KIAA0825: variants seen among roughly 807,000 people sequenced by gnomAD.
The protein encoded by KIAA0825 is uncharacterized protein KIAA0825.
In KIAA0825, 119 loss-of-function variants were observed where a neutral mutation model predicts 147.6. The ratio of observed to expected loss-of-function variants is 0.81; its 90% CI spans 0.69 to 0.94. KIAA0825 has a LOEUF of 0.94. Ranked by LOEUF, KIAA0825 falls within the 40% of genes least tolerant of loss-of-function variation. The pLI is 0.00. For missense variants in KIAA0825, 1,381 were observed against 1,472.7 expected (o/e 0.94, Z 1.02); for synonymous variants, 470 against 518.1 (o/e 0.91, Z 1.26).
chr5:94,191,840 C>G (rs1770704943), intron 20 of KIAA0825, among the ~76,000 whole-genome samples: 1 of 152,328 alleles, frequency 6.6e-6, no homozygotes, highest in Non-Finnish European at 1.5e-5. Context: ...CCTCCACCCC[C>G]ACTGGGGATC....
chr5:94,265,829 A>T (rs548133704), intron 20 of KIAA0825, among the ~76,000 whole-genome samples: 2 of 152,264 alleles, frequency 1.3e-5, no homozygotes, highest in South Asian at 4.1e-4. Flanking sequence ...AACAAACCTT[A>T]AAAAATAAAA....
chr5:94,570,682 C>A (rs562901837), intron 2 of KIAA0825: 13 of 152,294 alleles, frequency 8.5e-5, no homozygotes, highest in African/African-American at 2.9e-4. Context: ...AATGGACCTG[C>A]CCCTGTAGTA....
At chr5:94,513,132 ACTT>A (rs1766742494) in intron 5 of KIAA0825, among the ~76,000 whole-genome samples, 1 of 151,932 alleles carries the variant, frequency 6.6e-6, no homozygotes, top group Non-Finnish European at 1.5e-5. Flanking sequence ...TTTATTCTAA[ACTT>A]CTTTTCAGTG....
At chr5:94,342,620 C>G (rs1016995621) in intron 20 of KIAA0825, among the ~76,000 whole-genome samples, 1 of 152,004 alleles carries the variant, frequency 6.6e-6, no homozygotes, top group Non-Finnish European at 1.5e-5. Flanking sequence ...AGTTATAAAA[C>G]AAAAATTGTC....
intron 1 of KIAA0825, among the ~76,000 whole-genome samples, chr5:94,586,887 CA>C (rs1783408011): frequency 6.6e-6 from 1 of 152,174 alleles, no homozygotes; most frequent in African/African-American, 2.4e-5. Context: ...GCTGGTTCAA[CA>C]TATGCAAATC....
chr5:94,248,774 C>T (rs1775774672), intron 20 of KIAA0825, among the ~76,000 whole-genome samples: 1 of 152,104 alleles, frequency 6.6e-6, no homozygotes. Flanking sequence ...ATGAACAACC[C>T]TGAACTACGT....
intron 20 of KIAA0825, among the ~76,000 whole-genome samples, chr5:94,162,346 C>A (rs866555599): frequency 6.6e-6 from 1 of 152,114 alleles, no homozygotes; most frequent in African/African-American, 2.4e-5. Context: ...GTTGCCCAGG[C>A]TGGAGTGCAG....
chr5:94,186,184 CTTTTAG>C (rs1770102507), intron 20 of KIAA0825, among the ~76,000 whole-genome samples: 1 of 152,042 alleles, frequency 6.6e-6, no homozygotes, highest in African/African-American at 2.4e-5. Flanking sequence ...TAAGAAAAGA[CTTTTAG>C]TTTAAGAGTT....
At chr5:94,474,425 C>T (rs1761602178) in intron 7 of KIAA0825, among the ~76,000 whole-genome samples, 1 of 152,116 alleles carries the variant, frequency 6.6e-6, no homozygotes. Flanking sequence ...CTTCAGAAAA[C>T]CCTGAGCTCC....
intron 20 of KIAA0825, among the ~76,000 whole-genome samples, chr5:94,340,109 A>G (rs1782217295): frequency 6.6e-6 from 1 of 152,148 alleles, no homozygotes; most frequent in Non-Finnish European, 1.5e-5. Flanking sequence ...TAACCTATAC[A>G]GTTGTTTTTT....
At chr5:94,236,678 A>G (rs1327070944) in intron 20 of KIAA0825, among the ~76,000 whole-genome samples, 13 of 152,176 alleles carry the variant, frequency 8.5e-5, no homozygotes, top group East Asian at 7.7e-4. Flanking sequence ...TGATGTGACA[A>G]ACTTCATTGT....
chr5:94,506,985 CATTAT>C (rs1765809895), intron 5 of KIAA0825, among the ~76,000 whole-genome samples: 1 of 152,038 alleles, frequency 6.6e-6, no homozygotes, highest in African/African-American at 2.4e-5. Flanking sequence ...CTCGTAATTG[CATTAT>C]ATTATCATAT....
chr5:94,328,074 AT>A (rs1204494505), intron 20 of KIAA0825, among the ~76,000 whole-genome samples: 1 of 152,112 alleles, frequency 6.6e-6, no homozygotes, highest in African/African-American at 2.4e-5. Flanking sequence ...GTCATCTCTG[AT>A]TTTTTTCAAG....
rs1766649090 is a variant in KIAA0825, at chr5:94,152,856, T to TATACA, written c.*1150_*1151insTGTAT. 9 of 2,774 alleles carry TATACA rather than the reference T, an allele frequency of 3.2e-3. 1 individual carries two copies. Among genetic ancestry groups the TATACA allele is most frequent in the Non-Finnish European group, 6.3e-3 (9 of 1,426 alleles). The allele number at this position is 2,774 out of a possible 1,614,324, so 0.2% of individuals were successfully genotyped here. A position where few individuals can be genotyped will look rare whatever the true frequency, so the allele number is the denominator to read the frequency against. Reference sequence around the variant, plus strand: ...AAAAAAAAAAAAAAAAAAAAAAAAATTATATATATATATATATATATATAT... The same window carrying TATACA: ...AAAAAAAAAAAAAAAAAAAAAAAAATATACATATATATATATATATATATATATAT... On this transcript the variant is annotated 3_prime_UTR_variant, in exon 21 of 21. Transcript: ENST00000682413.
intron 6 of KIAA0825, 68 bp downstream of exon 6, chr5:94,484,701 C>A (rs1762848359): frequency 9.1e-7 from 1 of 1,097,610 alleles, no homozygotes; most frequent in Admixed American, 3.2e-5. Context: ...CGTTTTCATT[C>A]AAAGCAGCAG....
At chr5:94,322,775 C>A (rs550638788) in intron 20 of KIAA0825, among the ~76,000 whole-genome samples, 1 of 151,978 alleles carries the variant, frequency 6.6e-6, no homozygotes, top group East Asian at 1.9e-4. Context: ...TGCTAGAATT[C>A]TTTTCCATTT....
At chr5:94,235,830 G>A (rs1160744700) in intron 20 of KIAA0825, among the ~76,000 whole-genome samples, 1 of 152,150 alleles carries the variant, frequency 6.6e-6, no homozygotes, top group Admixed American at 6.5e-5. Context: ...TCCTGTGCTT[G>A]TGCTCTATAA....
intron 20 of KIAA0825, among the ~76,000 whole-genome samples, chr5:94,238,891 A>G (rs1007187733): frequency 2.6e-5 from 4 of 152,208 alleles, no homozygotes; most frequent in African/African-American, 9.6e-5. Flanking sequence ...AACTAGATTT[A>G]TCTTCTTTTA....
intron 5 of KIAA0825, among the ~76,000 whole-genome samples, chr5:94,506,598 T>C (rs905616425): frequency 2.0e-5 from 3 of 152,220 alleles, no homozygotes; most frequent in Admixed American, 6.5e-5. Flanking sequence ...AAGGTGAAAG[T>C]TGGCTTCTAA....
Sources: gnomAD v4.1 joint callset for allele counts (sites outside exome capture counted in the v4.1 genomes callset) on GRCh38, gnomAD v4.1.1 for gene constraint, MANE v1.5 for transcripts, NCBI Gene and HGNC (gene_info 2026-07-23, HGNC 2026-07-21) for gene names.